Variants in TNPO2 observed in about 807,000 individuals in gnomAD.
TNPO2 encodes the protein transportin 2, also known as transportin-2.
In TNPO2, 16 loss-of-function variants were observed where a neutral mutation model predicts 111.1. That is an observed-to-expected ratio of 0.14 (90% CI 0.10 to 0.22). TNPO2 has a LOEUF of 0.22. TNPO2 is among the 10% of genes least tolerant of loss of function. TNPO2 has a pLI of 1.00. For synonymous variants in TNPO2, 481 were observed against 475.8 expected, an observed-to-expected ratio of 1.01 and a Z score of -0.14; for missense variants, 530 against 1,173.7, an observed-to-expected ratio of 0.45 and a Z score of 8.01.
chr19:12,719,232 G>A lies in TNPO2; in HGVS notation c.175+29C>T, dbSNP rs375461253. 1.4e-3 allele frequency: 2,224 copies of A among 1,613,740 alleles called. 2 individuals are homozygous for A. Among genetic ancestry groups the A allele is most frequent in the Non-Finnish European group, 1.7e-3 (2,023 of 1,179,790 alleles). ...GCCCAGGGGGAGAAAGCAGGGTCCC[G>A]ATCGCATGGAAGGGAGCAGAGGGCG... is the stretch of plus-strand genomic sequence containing the variant. On this transcript the variant is annotated intron_variant, in intron 4 of 25. Transcript: ENST00000425528. This position sits in a 1 kb window ranked among gnomAD's most constrained non-coding sequence, Gnocchi z 5.0.
In TNPO2 at chr19:12,701,128, G is replaced by A; in HGVS notation, c.*136C>T. 1 of 509,654 alleles carries A rather than the reference G, an allele frequency of 2.0e-6. No homozygotes were observed. Among genetic ancestry groups the A allele is most frequent in the Non-Finnish European group, 3.5e-6 (1 of 287,344 alleles). The allele number at this position is 509,654 out of a possible 1,614,324, so 31.6% of individuals were successfully genotyped here. A position where few individuals can be genotyped will look rare whatever the true frequency, so the allele number is the denominator to read the frequency against. On this transcript the variant is annotated 3_prime_UTR_variant, in exon 26 of 26. Transcript: ENST00000425528. This position sits in a 1 kb window ranked among gnomAD's most constrained non-coding sequence, Gnocchi z 5.0. ...GACGGACGGACGGACGGACGGGGAA[G>A]GCATCTGGATTTGAGTCCCACTCAC...
chr19:12,716,316 G>A (rs1456498472), intron 5 of TNPO2, among the ~76,000 whole-genome samples: 1 of 152,150 alleles, frequency 6.6e-6, no homozygotes, highest in African/African-American at 2.4e-5. Context: ...ATGAAGTAAA[G>A]ATAAATTAGC....
chr19:12,720,927 G>T lies in TNPO2; in HGVS notation c.51C>A (p.Leu17=). The part of the protein sequence containing the change: ...EQGLQQVLQL[L]KDSQSPNTAT... ...CTGTGTTGGGCGACTGTGAGTCTTT[G>T]AGCAGCTGCAGGACCTGCTGCAGGC... Residue 17 remains leucine (L), a synonymous_variant, in exon 3 of 26, where the codon CTC becomes CTA. Transcript: ENST00000425528. The T allele has an allele frequency of 6.2e-7, 1 of 1,604,466 alleles. No homozygotes were observed.
At chr19:12,714,329 T>C (rs76011951) in intron 10 of TNPO2, among the ~76,000 whole-genome samples, 1 of 151,692 alleles carries the variant, frequency 6.6e-6, no homozygotes, top group South Asian at 2.1e-4. Flanking sequence ...TTTTTTTTTT[T>C]TGAGACGGAG....
chr19:12,709,104 G>A (rs1029470764), intron 13 of TNPO2, among the ~76,000 whole-genome samples: 3 of 151,712 alleles, frequency 2.0e-5, no homozygotes, highest in Admixed American at 1.3e-4. Flanking sequence ...GCTCACACCC[G>A]TAATCCCAGC....
rs1395167586 is a variant in TNPO2, at chr19:12,714,725, G to A, written c.890+96C>T. The A allele has an allele frequency of 3.2e-6, 3 of 944,642 alleles. No individual in the cohort carries two copies. The African/African-American group carries it at 4.9e-5, about 15-fold the overall frequency. 58.5% of individuals were successfully genotyped at this position (944,642 alleles called of 1,614,324 possible). On this transcript the variant is annotated intron_variant, in intron 10 of 25. Coordinates refer to ENST00000425528, the MANE Select transcript of TNPO2 (RefSeq NM_001382241.1). The stretch of plus-strand genomic sequence containing the variant: ...ACTGAATGTAAACTGACAAGGATGT[G>A]GACTGAGAGAAGCACAGCAGGTGAC...
At position 12,701,093 on chromosome 19, in the gene TNPO2, TGGACGGATGGAC is replaced by T. The variant is rs2025265834; in HGVS notation, c.*159_*170del. The stretch of plus-strand genomic sequence containing the variant: ...CCCACCCACCTGCCAGGAGGGCAAG[TGGACGGATGGAC>T]GGACGGACGGACGGACGGGGAAGGC... On this transcript the variant is annotated 3_prime_UTR_variant, in exon 26 of 26. Transcript: ENST00000425528. This position sits in a 1 kb window ranked among gnomAD's most constrained non-coding sequence, Gnocchi z 5.0. 4.7e-6 allele frequency: 2 copies of T among 428,848 alleles called. No homozygotes were observed. Among genetic ancestry groups the T allele is most frequent in the East Asian group, 3.9e-5 (1 of 25,386 alleles). The allele number at this position is 428,848 out of a possible 1,614,324, so 26.6% of individuals were successfully genotyped here. A position where few individuals can be genotyped will look rare whatever the true frequency, so the allele number is the denominator to read the frequency against.
chr19:12,722,381 CGACGCCCGGGCCGCGCGCGGCGCA>C (rs1834844210), intron 2 of TNPO2: 2 of 149,910 alleles, frequency 1.3e-5, no homozygotes, highest in Admixed American at 1.3e-4. Context: ...GGCGCGGCCC[CGACGCCCGGGCCGCGCGCGGCGCA>C]GGCTCGGTGC....
At chr19:12,704,837 C>T (rs1232124933) in intron 18 of TNPO2, among the ~76,000 whole-genome samples, 1 of 152,050 alleles carries the variant, frequency 6.6e-6, no homozygotes, top group African/African-American at 2.4e-5. Flanking sequence ...CGCCTACCAC[C>T]ATGCCTGGCT....
chr19:12,705,476 G>T lies in TNPO2; in HGVS notation c.1863+16C>A. The stretch of plus-strand genomic sequence containing the variant: ...GCCAATGCAGAAGCACAGGTGACGG[G>T]CCTAGGGTTGCTCACCATGGCCTGA... On this transcript the variant is annotated intron_variant, in intron 17 of 25. Coordinates refer to ENST00000425528, the MANE Select transcript of TNPO2 (RefSeq NM_001382241.1). This position sits in a 1 kb window ranked among gnomAD's most constrained non-coding sequence, Gnocchi z 7.2. 6.3e-7 allele frequency: 1 copy of T among 1,584,706 alleles called. No homozygotes were observed. The highest frequency in any genetic ancestry group is 8.6e-7 in the Non-Finnish European group (1 of 1,165,830).
rs1323028968 is a variant in TNPO2, at chr19:12,723,245, C to T, written c.-14+4G>A. On this transcript the variant is annotated splice_donor_region_variant and intron_variant, in intron 2 of 25. Transcript: ENST00000425528. ...TTTGAACCACGCCTAATCCCTTTCC[C>T]TACCTGAAGTTGAATGAGGTGGAAC... 1 of 152,212 alleles carries T rather than the reference C, an allele frequency of 6.6e-6. No individual in the cohort carries two copies. The highest frequency in any genetic ancestry group is 6.5e-5 in the Admixed American group (1 of 15,268). 9.4% of individuals were successfully genotyped at this position (152,212 alleles called of 1,614,324 possible). A position where few individuals can be genotyped will look rare whatever the true frequency, so the allele number is the denominator to read the frequency against.
At position 12,719,371 on chromosome 19, in the gene TNPO2, C is replaced by A; in HGVS notation, c.100-35G>T. On this transcript the variant is annotated intron_variant, in intron 3 of 25. Coordinates refer to ENST00000425528, the MANE Select transcript of TNPO2 (RefSeq NM_001382241.1). This position sits in a 1 kb window ranked among gnomAD's most constrained non-coding sequence, Gnocchi z 5.0. ...TGTTAAGGGACTTGGAAGACAGAGG[C>A]CTTCCCCCAGCCAGGTCCCCTCATT... is the stretch of plus-strand genomic sequence containing the variant. 6.3e-7 allele frequency: 1 copy of A among 1,587,554 alleles called. No individual in the cohort carries two copies. Among genetic ancestry groups the A allele is most frequent in the Non-Finnish European group, 8.6e-7 (1 of 1,156,764 alleles).
chr19:12,702,181 C>T lies in TNPO2; in HGVS notation c.2306-4G>A. ...GCAGAGGGACTCGTCAGGCGACCTGCAACCCCGAGCGGCCCCGGGACGGTA... is the reference window on the plus strand; with the variant it reads ...GCAGAGGGACTCGTCAGGCGACCTGTAACCCCGAGCGGCCCCGGGACGGTA... On this transcript the variant is annotated splice_region_variant and splice_polypyrimidine_tract_variant and intron_variant, in intron 21 of 25. Transcript: ENST00000425528. The surrounding 1 kb of genome is among the most constrained non-coding windows in gnomAD (Gnocchi z 5.5). 6.2e-7 allele frequency: 1 copy of T among 1,612,266 alleles called. No individual in the cohort carries two copies. Among genetic ancestry groups the T allele is most frequent in the Non-Finnish European group, 8.5e-7 (1 of 1,179,370 alleles).
intron 13 of TNPO2, among the ~76,000 whole-genome samples, chr19:12,709,170 G>A (rs1471483850): frequency 9.9e-5 from 15 of 152,054 alleles, no homozygotes; most frequent in Admixed American, 9.8e-4. Flanking sequence ...GACCATCCTG[G>A]CCAACGTGGT....
rs1357234150 is a variant in TNPO2, at chr19:12,699,786, C to G, written c.*1478G>C. ...CCTTGGAATAGATGCAGGGCCTGAC[C>G]CTGACTATGGAAAGACACAGGGCTT... is the stretch of plus-strand genomic sequence containing the variant. On this transcript the variant is annotated 3_prime_UTR_variant, in exon 26 of 26. Coordinates refer to ENST00000425528, the MANE Select transcript of TNPO2 (RefSeq NM_001382241.1). 1.3e-5 allele frequency: 2 copies of G among 152,214 alleles called. No homozygotes were observed. The highest frequency in any genetic ancestry group is 2.9e-5 in the Non-Finnish European group (2 of 67,970). The allele number at this position is 152,214 out of a possible 1,614,324, so 9.4% of individuals were successfully genotyped here. A position where few individuals can be genotyped will look rare whatever the true frequency, so the allele number is the denominator to read the frequency against.
Position 12,702,247 on chromosome 19 carries a change from A to G in TNPO2, c.2306-70T>C, listed in dbSNP as rs2025360332. Reference sequence around the variant, plus strand: ...GGCACAAGGCACCAAGCCCCGCCCCATGAGCCCCAAGGGAATGGCTACTGC... The same window carrying G: ...GGCACAAGGCACCAAGCCCCGCCCCGTGAGCCCCAAGGGAATGGCTACTGC... On this transcript the variant is annotated intron_variant, in intron 21 of 25. Coordinates refer to ENST00000425528, the MANE Select transcript of TNPO2 (RefSeq NM_001382241.1). The surrounding 1 kb of genome is among the most constrained non-coding windows in gnomAD (Gnocchi z 5.5). The G allele has an allele frequency of 2.9e-6, 4 of 1,386,480 alleles. No individual in the cohort carries two copies. The highest frequency in any genetic ancestry group is 1.2e-5 in the South Asian group (1 of 80,810). The allele number at this position is 1,386,480 out of a possible 1,614,324, so 85.9% of individuals were successfully genotyped here.
chr19:12,717,617 A>T (rs958461957), intron 5 of TNPO2, among the ~76,000 whole-genome samples: 1 of 152,158 alleles, frequency 6.6e-6, no homozygotes, highest in South Asian at 2.1e-4. Flanking sequence ...TGGCACATAG[A>T]ATGAGCTCAG....
rs56817777 is a variant in TNPO2, at chr19:12,707,479, C to CTTTTTTT, written c.1271-691_1271-685dup. Among the ~76,000 whole-genome samples, 39 of 75,032 alleles carry CTTTTTTT rather than the reference C, an allele frequency of 5.2e-4. 2 individuals carry two copies. The highest frequency in any genetic ancestry group is 5.4e-4 in the Non-Finnish European group (21 of 39,144). The allele number at this position is 75,032 out of a possible 152,430, so 49.2% of individuals were successfully genotyped here. ...AGTTCTTAAGATGTTTGTGAGTTTT[C>CTTTTTTT]TTTTTTTTTTTTTTTTTTTTTTTTT... On this transcript the variant is annotated intron_variant, in intron 13 of 25. Coordinates refer to ENST00000425528, the MANE Select transcript of TNPO2 (RefSeq NM_001382241.1).
Position 12,721,165 on chromosome 19 carries a change from C to T in TNPO2, c.-13-175G>A. ...GGGTCCCCGCCAGCTGCGCCATCCT[C>T]GGCCGCGCAGTCGCGGGCTCGGGAG... On this transcript the variant is annotated intron_variant, in intron 2 of 25. Coordinates refer to ENST00000425528, the MANE Select transcript of TNPO2 (RefSeq NM_001382241.1). This position sits in a 1 kb window ranked among gnomAD's most constrained non-coding sequence, Gnocchi z 4.9. 1.4e-6 allele frequency: 2 copies of T among 1,409,776 alleles called. No homozygotes were observed. Among genetic ancestry groups the T allele is most frequent in the Non-Finnish European group, 1.8e-6 (2 of 1,090,014 alleles). The allele number at this position is 1,409,776 out of a possible 1,614,324, so 87.3% of individuals were successfully genotyped here.
Sources: allele counts gnomAD v4.1 joint callset (sites outside exome capture counted in the v4.1 genomes callset), GRCh38; gene constraint gnomAD v4.1.1; non-coding constraint Gnocchi (gnomAD v3.1); transcripts MANE v1.5; gene names NCBI Gene and HGNC (gene_info 2026-07-23, HGNC 2026-07-21).